The following PSME3 variants were observed in gnomAD, a reference collection of about 807,000 sequenced individuals.
PSME3 encodes the protein proteasome activator subunit 3, also known as proteasome activator complex subunit 3.
Under a neutral mutation model 38.3 loss-of-function variants are expected in PSME3, and 7 were observed. The ratio of observed to expected loss-of-function variants is 0.18; its 90% CI spans 0.10 to 0.34. The LOEUF (loss-of-function observed/expected upper bound fraction) is 0.34, where lower values mean the gene tolerates loss of function less well. Ranked by LOEUF, PSME3 falls within the 10% of genes least tolerant of loss-of-function variation. The pLI is 1.00. For synonymous variants in PSME3, 108 were observed against 105.7 expected (o/e 1.02, Z -0.13); for missense variants, 192 against 307.6 (o/e 0.62, Z 2.81).
chr17:42,842,823 A>G lies in PSME3; in HGVS notation c.*1245A>G, dbSNP rs917904987. Reference sequence around the variant, plus strand: ...ATCCCCTTCAGCCCCTAGCTCTTTTATTCTACCACGGCTGGAGAGTTGATA... The same window carrying G: ...ATCCCCTTCAGCCCCTAGCTCTTTTGTTCTACCACGGCTGGAGAGTTGATA... On this transcript the variant is annotated 3_prime_UTR_variant, in exon 11 of 11. Coordinates refer to ENST00000590720, the MANE Select transcript of PSME3 (RefSeq NM_005789.4). 6.6e-6 allele frequency: 1 copy of G among 152,668 alleles called. No individual in the cohort carries two copies. Among genetic ancestry groups the G allele is most frequent in the Non-Finnish European group, 1.5e-5 (1 of 68,000 alleles). The allele number at this position is 152,668 out of a possible 1,614,324, so 9.5% of individuals were successfully genotyped here.
chr17:42,836,032 G>A (rs569269528), intron 4 of PSME3, among the ~76,000 whole-genome samples: 1 of 144,208 alleles, frequency 6.9e-6, no homozygotes, highest in Non-Finnish European at 1.5e-5. Context: ...TTGAGACAGA[G>A]TCTCACTCTG....
Position 42,833,406 on chromosome 17 carries a change from G to T in PSME3, c.-226G>T. The stretch of plus-strand genomic sequence containing the variant: ...GGCGATTGGCTGTGACGCAGTTTCC[G>T]GCGTGAGCGGCGAAAGCCGGGAGGG... On this transcript the variant is annotated 5_prime_UTR_variant, in exon 1 of 11. Coordinates refer to ENST00000590720, the MANE Select transcript of PSME3 (RefSeq NM_005789.4). The T allele has an allele frequency of 3.3e-6, 2 of 600,688 alleles. No individual in the cohort carries two copies. The highest frequency in any genetic ancestry group is 5.9e-6 in the Non-Finnish European group (2 of 337,970). 37.2% of individuals were successfully genotyped at this position (600,688 alleles called of 1,614,324 possible).
chr17:42,833,759 C>T lies in PSME3; in HGVS notation c.42+86C>T, dbSNP rs909063195. On this transcript the variant is annotated intron_variant, in intron 1 of 10. Transcript: ENST00000590720. Reference sequence around the variant, plus strand: ...TTCCTACTCCCCATGGCGTCTTTGTCTCCCTGGGGATACCAGCTCTGAGCT... The same window carrying T: ...TTCCTACTCCCCATGGCGTCTTTGTTTCCCTGGGGATACCAGCTCTGAGCT... 7.4e-6 allele frequency: 12 copies of T among 1,612,154 alleles called. No homozygotes were observed. The African/African-American group carries it at 1.6e-4, about 22-fold the overall frequency.
intron 10 of PSME3, 100 bp downstream of exon 10, chr17:42,839,480 G>A: frequency 9.9e-7 from 1 of 1,011,020 alleles, no homozygotes; most frequent in Non-Finnish European, 1.5e-6. Context: ...AGGGTCTGAG[G>A]TAAAATGAAT....
intron 8 of PSME3, 39 bp from the exon 9 acceptor site, chr17:42,839,073 G>C: frequency 6.3e-7 from 1 of 1,594,256 alleles, no homozygotes; most frequent in East Asian, 2.2e-5. Flanking sequence ...GCACCATCAA[G>C]GGTCTCCTGC....
Position 42,843,753 on chromosome 17 carries a change from C to T in PSME3, c.*2175C>T, listed in dbSNP as rs1440539667. ...TGAAATAAAGTTTCCTCATCTTCCA[C>T]CTTGCAAGTAGCCTTCTGGTTTCCA... is the stretch of plus-strand genomic sequence containing the variant. On this transcript the variant is annotated 3_prime_UTR_variant, in exon 11 of 11. Transcript: ENST00000590720. 2.0e-5 allele frequency: 3 copies of T among 152,360 alleles called. No individual in the cohort carries two copies. Among genetic ancestry groups the T allele is most frequent in the East Asian group, 3.7e-4 (2 of 5,344 alleles). The allele number at this position is 152,360 out of a possible 1,614,324, so 9.4% of individuals were successfully genotyped here. A position where few individuals can be genotyped will look rare whatever the true frequency, so the allele number is the denominator to read the frequency against.
chr17:42,835,703 C>T (rs1276728703), intron 4 of PSME3, among the ~76,000 whole-genome samples: 1 of 150,192 alleles, frequency 6.7e-6, no homozygotes, highest in Non-Finnish European at 1.5e-5. Context: ...CCAGCCTGGG[C>T]GACAGAGCGA....
In PSME3 at chr17:42,838,150, A is replaced by C; in HGVS notation, c.350A>C (p.Asp117Ala). ...CTGAAAAGCAACCAGCAGCTGGTGG[A>C]CATTATTGAGAAAGTGAAACCTGAG... ...GMLKSNQQLVDIIEKVKPEIR... is the reference protein window; with the variant it reads ...GMLKSNQQLVAIIEKVKPEIR... The change falls in exon 6 of 11, where the codon GAC (aspartate) becomes GCC (alanine). Residue 117 changes from aspartate (D) to alanine (A), a missense_variant. Transcript: ENST00000590720. 1 of 1,614,154 alleles carries C rather than the reference A, an allele frequency of 6.2e-7. No individual in the cohort carries two copies. The highest frequency in any genetic ancestry group is 8.5e-7 in the Non-Finnish European group (1 of 1,180,042).
intron 10 of PSME3, among the ~76,000 whole-genome samples, chr17:42,840,240 G>A (rs551720984): frequency 1.3e-4 from 20 of 149,950 alleles, no homozygotes; most frequent in African/African-American, 4.9e-4. Flanking sequence ...CCGAGATTGC[G>A]CCACTGGACT....
At chr17:42,837,840 G>T in intron 5 of PSME3, 143 bp downstream of exon 5, 1 of 1,046,124 alleles carries the variant, frequency 9.6e-7, no homozygotes, top group South Asian at 1.4e-5. Flanking sequence ...TCCTCCAAAC[G>T]TGCTTGTTAT....
rs1299556111 is a variant in PSME3 at position 42,843,479 on chromosome 17, C to T, written c.*1901C>T. On this transcript the variant is annotated 3_prime_UTR_variant, in exon 11 of 11. Transcript: ENST00000590720. ...ATGGGAAAGTTAGCTCTTCCCAGAC[C>T]TAAGCTGCCTTCTCTCCCTACTTTC... 1 of 152,346 alleles carries T rather than the reference C, an allele frequency of 6.6e-6. No homozygotes were observed. The highest frequency in any genetic ancestry group is 6.5e-5 in the Admixed American group (1 of 15,272). The allele number at this position is 152,346 out of a possible 1,614,324, so 9.4% of individuals were successfully genotyped here. A position where few individuals can be genotyped will look rare whatever the true frequency, so the allele number is the denominator to read the frequency against.
rs1237825220 is a variant in PSME3 at position 42,834,266 on chromosome 17, A to C, written c.43-78A>C. 6.2e-6 allele frequency: 10 copies of C among 1,608,926 alleles called. No homozygotes were observed. In the Admixed American group the frequency reaches 1.7e-4, roughly 27 times the overall value. ...TTATTACAGTTACAAGGTGAGGGAA[A>C]GACAGTTGGATTGGGATTCTCCATC... On this transcript the variant is annotated intron_variant, in intron 1 of 10. Transcript: ENST00000590720.
At chr17:42,836,384 T>G (rs2055464224) in intron 4 of PSME3, among the ~76,000 whole-genome samples, 1 of 152,206 alleles carries the variant, frequency 6.6e-6, no homozygotes, top group Non-Finnish European at 1.5e-5. Context: ...TACATGTTTG[T>G]TAACTGAATA....
chr17:42,839,067 C>T, intron 8 of PSME3, 45 bp from the exon 9 acceptor site: 3 of 1,594,670 alleles, frequency 1.9e-6, no homozygotes, highest in Non-Finnish European at 2.6e-6. Context: ...TGGTGGGCAC[C>T]ATCAAGGGTC....
chr17:42,836,194 A>G (rs543888692), intron 4 of PSME3, among the ~76,000 whole-genome samples: 2 of 151,914 alleles, frequency 1.3e-5, no homozygotes, highest in South Asian at 2.1e-4. Flanking sequence ...TAGTGGAGAC[A>G]GGGTTTCACC....
At position 42,843,597 on chromosome 17, in the gene PSME3, G is replaced by A. The variant is rs2055560959; in HGVS notation, c.*2019G>A. On this transcript the variant is annotated 3_prime_UTR_variant, in exon 11 of 11. Transcript: ENST00000590720. ...ATGTGTAAGGAATGAACTGGTTCAA[G>A]GCGCGTCCTACCCAGTCATTTTCTT... 1 of 152,342 alleles carries A rather than the reference G, an allele frequency of 6.6e-6. No individual in the cohort carries two copies. Among genetic ancestry groups the A allele is most frequent in the Non-Finnish European group, 1.5e-5 (1 of 68,046 alleles). The allele number at this position is 152,342 out of a possible 1,614,324, so 9.4% of individuals were successfully genotyped here. A position where few individuals can be genotyped will look rare whatever the true frequency, so the allele number is the denominator to read the frequency against.
chr17:42,842,974 G>C lies in PSME3; in HGVS notation c.*1396G>C, dbSNP rs766780717. ...ATTTTTACTCCCAATATTCTGTAGA[G>C]AGGGAGTCAGGATGCTGTCTTCCCA... On this transcript the variant is annotated 3_prime_UTR_variant, in exon 11 of 11. Coordinates refer to ENST00000590720, the MANE Select transcript of PSME3 (RefSeq NM_005789.4). 2.0e-5 allele frequency: 3 copies of C among 152,692 alleles called. No individual in the cohort carries two copies. Among genetic ancestry groups the C allele is most frequent in the East Asian group, 1.9e-4 (1 of 5,330 alleles). 9.5% of individuals were successfully genotyped at this position (152,692 alleles called of 1,614,324 possible).
rs3785545 is a variant in PSME3, at chr17:42,834,002, A to G, written c.42+329A>G. 0.027 allele frequency: 39,386 copies of G among 1,437,830 alleles called. 5,315 individuals are homozygous for G. The African/African-American group carries it at 0.36, about 13-fold the overall frequency. The allele number at this position is 1,437,830 out of a possible 1,614,324, so 89.1% of individuals were successfully genotyped here. A position where few individuals can be genotyped will look rare whatever the true frequency, so the allele number is the denominator to read the frequency against. On this transcript the variant is annotated intron_variant, in intron 1 of 10. Transcript: ENST00000590720. ...CCTGCCCTTGGCGGCTGGCCTGCCTAGTATCATAGACTAGGTCTGGGTGGG... is the reference window on the plus strand; with the variant it reads ...CCTGCCCTTGGCGGCTGGCCTGCCTGGTATCATAGACTAGGTCTGGGTGGG...
rs775950546 is a variant in PSME3 at position 42,841,631 on chromosome 17, C to T, written c.*53C>T. ...TGAGTCTGGCTCAAGACCGACATTG[C>T]CTTGGTTTGTTACATGACTATCGTG... On this transcript the variant is annotated 3_prime_UTR_variant, in exon 11 of 11. Coordinates refer to ENST00000590720, the MANE Select transcript of PSME3 (RefSeq NM_005789.4). 6 of 1,309,686 alleles carry T rather than the reference C, an allele frequency of 4.6e-6. No homozygotes were observed. The highest frequency in any genetic ancestry group is 6.4e-6 in the Non-Finnish European group (6 of 941,618). The allele number at this position is 1,309,686 out of a possible 1,614,324, so 81.1% of individuals were successfully genotyped here. A position where few individuals can be genotyped will look rare whatever the true frequency, so the allele number is the denominator to read the frequency against.
Sources: allele counts gnomAD v4.1 joint callset (sites outside exome capture counted in the v4.1 genomes callset), GRCh38; gene constraint gnomAD v4.1.1; transcripts MANE v1.5; gene names NCBI Gene and HGNC (gene_info 2026-07-23, HGNC 2026-07-21).